The following CELF6 variants were observed in gnomAD, a reference collection of about 807,000 sequenced individuals.
CELF6 encodes Bruno -like 6, RNA binding protein.
CELF6 carries 32 observed loss-of-function variants against 53.1 expected under a neutral mutation model. The ratio of observed to expected loss-of-function variants is 0.60; its 90% CI spans 0.46 to 0.81. The LOEUF is 0.81. Ranked by LOEUF, CELF6 falls within the 30% of genes least tolerant of loss-of-function variation. The pLI is 0.00. For missense variants in CELF6, 539 were observed against 669.5 expected, an observed-to-expected ratio of 0.81 and a Z score of 2.15; for synonymous variants, 291 against 288.8, an observed-to-expected ratio of 1.01 and a Z score of -0.08.
Position 72,294,977 on chromosome 15 carries a change from CA to C in CELF6, c.395-4723del, listed in dbSNP as rs34499459. Among the ~76,000 whole-genome samples, 56 of 104,954 alleles carry C rather than the reference CA, an allele frequency of 5.3e-4. 1 individual carries two copies. The highest frequency in any genetic ancestry group is 1.8e-3 in the African/African-American group (48 of 26,660). The allele number at this position is 104,954 out of a possible 152,430, so 68.9% of individuals were successfully genotyped here. ...TGGGAGACAGAGTGAGACTGTGTCTCAAAAAAAAAAAAAAAAAGAGATGAAA... is the reference window on the plus strand; with the variant it reads ...TGGGAGACAGAGTGAGACTGTGTCTCAAAAAAAAAAAAAAAAGAGATGAAA... On this transcript the variant is annotated intron_variant, in intron 3 of 12. Coordinates refer to ENST00000287202, the MANE Select transcript of CELF6 (RefSeq NM_052840.5).
At chr15:72,291,962 T>TG (rs1449594071) in intron 3 of CELF6, among the ~76,000 whole-genome samples, 3 of 152,212 alleles carry the variant, frequency 2.0e-5, no homozygotes, top group Non-Finnish European at 4.4e-5. Context: ...ACTTTGCTTC[T>TG]GGGGGTGTCA....
intron 2 of CELF6, among the ~76,000 whole-genome samples, chr15:72,313,076 G>T (rs1311861662): frequency 6.6e-6 from 1 of 152,234 alleles, no homozygotes; most frequent in East Asian, 1.9e-4. Flanking sequence ...ATGAAACAGT[G>T]AGAGGGGGAA....
At chr15:72,317,056 T>A (rs2088372227) in intron 1 of CELF6, among the ~76,000 whole-genome samples, 1 of 152,138 alleles carries the variant, frequency 6.6e-6, no homozygotes, top group Non-Finnish European at 1.5e-5. Context: ...GAATTTGGTG[T>A]GTTGGGGAAA....
rs190796951 is a variant in CELF6, at chr15:72,314,585, C to T, written c.345+1260G>A. Reference sequence around the variant, plus strand: ...ATCCAGGTCTGTGAGACTCAAAACCCAGTGTTTTTTTTTTTTTTTTTTTTT... The same window carrying T: ...ATCCAGGTCTGTGAGACTCAAAACCTAGTGTTTTTTTTTTTTTTTTTTTTT... On this transcript the variant is annotated intron_variant, in intron 2 of 12. Coordinates refer to ENST00000287202, the MANE Select transcript of CELF6 (RefSeq NM_052840.5). Among the ~76,000 whole-genome samples, 8 of 137,864 alleles carry T rather than the reference C, an allele frequency of 5.8e-5. No individual in the cohort carries two copies. In the East Asian group the frequency reaches 1.6e-3, roughly 27 times the overall value. The allele number at this position is 137,864 out of a possible 152,430, so 90.4% of individuals were successfully genotyped here.
At position 72,288,528 on chromosome 15, in the gene CELF6, A is replaced by C. The variant is rs761876062; in HGVS notation, c.1174+10T>G. 6.2e-7 allele frequency: 1 copy of C among 1,610,216 alleles called. No homozygotes were observed. The highest frequency in any genetic ancestry group is 8.5e-7 in the Non-Finnish European group (1 of 1,177,610). ...CACCAGGTTCTGCTGTCCAGCCCCC[A>C]GTCCCTCACCTTCTCTCTGCTGCTG... On this transcript the variant is annotated intron_variant, in intron 10 of 12. Transcript: ENST00000287202. This position sits in a 1 kb window ranked among gnomAD's most constrained non-coding sequence, Gnocchi z 4.6.
chr15:72,294,692 G>A (rs935421062), intron 3 of CELF6, among the ~76,000 whole-genome samples: 1 of 152,124 alleles, frequency 6.6e-6, no homozygotes, highest in African/African-American at 2.4e-5. Flanking sequence ...TGAAGTGAAA[G>A]CAAAAGCCAG....
chr15:72,288,531 C>A lies in CELF6; in HGVS notation c.1174+7G>T. 3.1e-6 allele frequency: 5 copies of A among 1,608,750 alleles called. No individual in the cohort carries two copies. Among genetic ancestry groups the A allele is most frequent in the Non-Finnish European group, 4.2e-6 (5 of 1,176,680 alleles). ...CAGGTTCTGCTGTCCAGCCCCCAGT[C>A]CCTCACCTTCTCTCTGCTGCTGGGG... On this transcript the variant is annotated splice_region_variant and intron_variant, in intron 10 of 12. Transcript: ENST00000287202. This position sits in a 1 kb window ranked among gnomAD's most constrained non-coding sequence, Gnocchi z 4.6.
At chr15:72,315,473 A>C (rs2088350957) in intron 2 of CELF6, among the ~76,000 whole-genome samples, 1 of 152,194 alleles carries the variant, frequency 6.6e-6, no homozygotes, top group African/African-American at 2.4e-5. Context: ...AGGACTAGAG[A>C]AAATGGGCTA....
intron 2 of CELF6, among the ~76,000 whole-genome samples, chr15:72,312,912 T>C (rs1196375316): frequency 6.6e-6 from 1 of 152,248 alleles, no homozygotes; most frequent in Non-Finnish European, 1.5e-5. Flanking sequence ...GAAAGATTGA[T>C]GGCACAGGCA....
chr15:72,288,282 G>A lies in CELF6; in HGVS notation c.1318+26C>T. 1 of 1,613,366 alleles carries A rather than the reference G, an allele frequency of 6.2e-7. No individual in the cohort carries two copies. Among genetic ancestry groups the A allele is most frequent in the Non-Finnish European group, 8.5e-7 (1 of 1,179,304 alleles). The stretch of plus-strand genomic sequence containing the variant: ...ATCCTTTATAGTCAGAGGTGGGAGA[G>A]GCCTAGGGGTAGGTTCTCAGCTCAC... On this transcript the variant is annotated intron_variant, in intron 11 of 12. Coordinates refer to ENST00000287202, the MANE Select transcript of CELF6 (RefSeq NM_052840.5). The surrounding 1 kb of genome is among the most constrained non-coding windows in gnomAD (Gnocchi z 4.6).
intron 2 of CELF6, among the ~76,000 whole-genome samples, chr15:72,305,350 G>T (rs999387264): frequency 2.6e-5 from 4 of 152,116 alleles, no homozygotes; most frequent in African/African-American, 9.7e-5. Flanking sequence ...GAAATTACAG[G>T]CACGTGCCAC....
At position 72,289,368 on chromosome 15, in the gene CELF6, G is replaced by C. The variant is rs2087971243; in HGVS notation, c.880+7C>G. The C allele has an allele frequency of 6.5e-7, 1 of 1,548,854 alleles. No individual in the cohort carries two copies. The highest frequency in any genetic ancestry group is 2.4e-5 in the East Asian group (1 of 42,238). Reference sequence around the variant, plus strand: ...CCCAGGCGCGCCCCAGTCCCTGGGGGCCGTACCTGCCGCGGGCAACAGAGG... The same window carrying C: ...CCCAGGCGCGCCCCAGTCCCTGGGGCCCGTACCTGCCGCGGGCAACAGAGG... On this transcript the variant is annotated splice_region_variant and intron_variant, in intron 7 of 12. Coordinates refer to ENST00000287202, the MANE Select transcript of CELF6 (RefSeq NM_052840.5). This position sits in a 1 kb window ranked among gnomAD's most constrained non-coding sequence, Gnocchi z 7.6.
chr15:72,309,437 CG>C (rs1365391111), intron 2 of CELF6, among the ~76,000 whole-genome samples: 1 of 152,024 alleles, frequency 6.6e-6, no homozygotes, highest in Non-Finnish European at 1.5e-5. Context: ...TATGTGGACC[CG>C]GGAAGAGGAG....
chr15:72,288,613 A>G lies in CELF6; in HGVS notation c.1099T>C (p.Tyr367His), dbSNP rs1232228149. 8 of 1,559,078 alleles carry G rather than the reference A, an allele frequency of 5.1e-6. No homozygotes were observed. Among genetic ancestry groups the G allele is most frequent in the Non-Finnish European group, 6.1e-6 (7 of 1,152,356 alleles). ...CTCACTGGGGCATAGGCCGACGGAT[A>G]GGCTGCTGGAGACAGAGGTGGGAGT... ...YAGMHHYAAAYPSAYAPVSTA... is the reference protein window; with the variant it reads ...YAGMHHYAAAHPSAYAPVSTA... Residue 367 changes from tyrosine (Y) to histidine (H), a missense_variant, in exon 10 of 13, where the codon TAT becomes CAT. Physicochemically the swap from Tyr to His is moderately conservative, Grantham distance 83. This residue lies in a region of CELF6 where 358 missense variants were observed against 412.8 expected (regional missense o/e 0.87). Transcript: ENST00000287202. This position sits in a 1 kb window ranked among gnomAD's most constrained non-coding sequence, Gnocchi z 4.6.
chr15:72,317,428 G>A (rs2088376136), intron 1 of CELF6, among the ~76,000 whole-genome samples: 1 of 152,176 alleles, frequency 6.6e-6, no homozygotes, highest in Non-Finnish European at 1.5e-5. Flanking sequence ...TTTATTGCCG[G>A]ACATTCATTG....
At chr15:72,307,431 T>C (rs1382347426) in intron 2 of CELF6, among the ~76,000 whole-genome samples, 2 of 152,190 alleles carry the variant, frequency 1.3e-5, no homozygotes, top group Non-Finnish European at 2.9e-5. Context: ...CCTCTCTTCA[T>C]AGGCTCGCAG....
rs74732105 is a variant in CELF6 at position 72,309,497 on chromosome 15, G to A, written c.346-4703C>T. ...TCATCGCTTGGGAGTTGGGGAAGGT[G>A]GGAGTTTGGGAGTTTGGGGGTACAA... On this transcript the variant is annotated intron_variant, in intron 2 of 12. Coordinates refer to ENST00000287202, the MANE Select transcript of CELF6 (RefSeq NM_052840.5). Among the ~76,000 whole-genome samples the A allele has an allele frequency of 5.2e-3, 783 of 150,542 alleles. 5 individuals are homozygous for A. Among genetic ancestry groups the A allele is most frequent in the African/African-American group, 0.018 (734 of 40,000 alleles).
chr15:72,288,883 TC>T lies in CELF6; in HGVS notation c.1077del (p.Met360CysfsTer15). 6.4e-7 allele frequency: 1 copy of T among 1,550,926 alleles called. No individual in the cohort carries two copies. Among genetic ancestry groups the T allele is most frequent in the South Asian group, 1.2e-5 (1 of 84,064 alleles). Reference sequence around the variant, plus strand: ...CAAGTGAAACCTGCGTAGTGGTGCATCCCAGCGTAGGCCTGCTGCAGGGGGT... The same window carrying T: ...CAAGTGAAACCTGCGTAGTGGTGCATCCAGCGTAGGCCTGCTGCAGGGGGT... ...VADPLQQAYA[G>X]MHHYAAAYPS... On this transcript the variant is annotated frameshift_variant, in exon 9 of 13. Coordinates refer to ENST00000287202, the MANE Select transcript of CELF6 (RefSeq NM_052840.5). LOFTEE classifies it high-confidence loss of function. The surrounding 1 kb of genome is among the most constrained non-coding windows in gnomAD (Gnocchi z 4.6).
intron 2 of CELF6, among the ~76,000 whole-genome samples, chr15:72,314,682 C>T (rs891791461): frequency 1.3e-5 from 2 of 149,090 alleles, no homozygotes; most frequent in African/African-American, 2.5e-5. Flanking sequence ...GCAACCTCTG[C>T]CTCCCAGGTT....
Sources: allele counts gnomAD v4.1 joint callset (sites outside exome capture counted in the v4.1 genomes callset), GRCh38; gene constraint gnomAD v4.1.1; regional missense constraint gnomAD v4.1.1; non-coding constraint Gnocchi (gnomAD v3.1); transcripts MANE v1.5; gene names NCBI Gene and HGNC (gene_info 2026-07-23, HGNC 2026-07-21).